The following ZFHX3 variants were observed in gnomAD, a reference collection of about 807,000 sequenced individuals.
ZFHX3 encodes the protein zinc finger homeobox protein 3.
ZFHX3 carries 42 observed loss-of-function variants against 279.1 expected under a neutral mutation model. That is an observed-to-expected ratio of 0.15 (90% confidence interval 0.12 to 0.19). The LOEUF is 0.19. Ranked by LOEUF, ZFHX3 falls within the 10% of genes least tolerant of loss-of-function variation. The probability of loss-of-function intolerance (pLI) is 1.00; values close to 1 mark genes in which losing one functional copy is unlikely to be tolerated. For missense variants in ZFHX3, 4,981 were observed against 4,754.0 expected (o/e 1.05, Z -1.40); for synonymous variants, 2,293 against 1,957.8 (o/e 1.17, Z -4.52).
At chr16:73,267,688 T>C (rs573336562) in intron 4 of ZFHX3, among the ~76,000 whole-genome samples, 2 of 152,308 alleles carry the variant, frequency 1.3e-5, no homozygotes, top group African/African-American at 4.8e-5. Flanking sequence ...TGGTCTAGCC[T>C]GGGGTAGCCT....
intron 2 of ZFHX3, chr16:73,609,847 T>C (rs2034599512): frequency 1.3e-5 from 2 of 152,216 alleles, no homozygotes; most frequent in Non-Finnish European, 2.9e-5. Context: ...GAGACGCTAT[T>C]CTCAAATTGC....
intron 5 of ZFHX3, among the ~76,000 whole-genome samples, chr16:73,238,238 T>A (rs1476053465): frequency 6.6e-6 from 1 of 152,192 alleles, no homozygotes. Flanking sequence ...TGTAAACACT[T>A]TGTTTTGTGT....
At chr16:72,867,931 CA>C (rs2038061613) in intron 4 of ZFHX3, among the ~76,000 whole-genome samples, 1 of 152,152 alleles carries the variant, frequency 6.6e-6, no homozygotes, top group African/African-American at 2.4e-5. Context: ...CAGAGTCTGC[CA>C]AGGAACCCAC....
chr16:72,983,082 C>A (rs1287332969), intron 1 of ZFHX3, among the ~76,000 whole-genome samples: 1 of 152,068 alleles, frequency 6.6e-6, no homozygotes, highest in East Asian at 1.9e-4. Context: ...TCAGGAATGT[C>A]GCTTATTCTA....
rs906104201 is a variant in ZFHX3 at position 73,302,558 on chromosome 16, G to C, written c.-1194+15682C>G. Among the ~76,000 whole-genome samples, 3 of 152,194 alleles carry C rather than the reference G, an allele frequency of 2.0e-5. No individual in the cohort carries two copies. The East Asian group carries it at 5.8e-4, about 29-fold the overall frequency. On this transcript the variant is annotated intron_variant, in intron 4 of 17. Coordinates refer to the ZFHX3 transcript ENST00000641206. ...AGTTGAATAAGAGAATCATGACTCCGAATACCCTAACAGGTTTATGAACTA... is the reference window on the plus strand; with the variant it reads ...AGTTGAATAAGAGAATCATGACTCCCAATACCCTAACAGGTTTATGAACTA...
intron 1 of ZFHX3, among the ~76,000 whole-genome samples, chr16:73,758,685 G>T (rs1233985056): frequency 6.6e-6 from 1 of 152,192 alleles, no homozygotes; most frequent in Non-Finnish European, 1.5e-5. Context: ...GCATTATTCA[G>T]GGTTGCTTCC....
intron 2 of ZFHX3, among the ~76,000 whole-genome samples, chr16:73,563,322 C>G (rs2020403027): frequency 6.6e-6 from 1 of 151,354 alleles, no homozygotes; most frequent in African/African-American, 2.4e-5. Flanking sequence ...ACTGCAAGCT[C>G]TGCCTCCTGG....
chr16:73,243,183 T>A (rs2013177529), intron 5 of ZFHX3, among the ~76,000 whole-genome samples: 1 of 152,218 alleles, frequency 6.6e-6, no homozygotes, highest in Non-Finnish European at 1.5e-5. Flanking sequence ...TATAAGCAGG[T>A]ATCAACATTT....
intron 2 of ZFHX3, among the ~76,000 whole-genome samples, chr16:73,658,591 C>T (rs745794913): frequency 6.6e-6 from 1 of 152,164 alleles, no homozygotes; most frequent in Non-Finnish European, 1.5e-5. Context: ...GCATGAGCCG[C>T]CGTGCCTGGC....
At chr16:73,305,790 A>G (rs1251245119) in intron 4 of ZFHX3, among the ~76,000 whole-genome samples, 1 of 152,162 alleles carries the variant, frequency 6.6e-6, no homozygotes, top group East Asian at 1.9e-4. Flanking sequence ...TTGATATGTT[A>G]ACATCTCATG....
chr16:72,916,068 T>G (rs928782203), intron 3 of ZFHX3, among the ~76,000 whole-genome samples: 4 of 152,244 alleles, frequency 2.6e-5, no homozygotes, highest in Admixed American at 1.3e-4. Context: ...ATAGTATACG[T>G]GGCAAAAATC....
Position 73,782,136 on chromosome 16 carries a change from G to A in ZFHX3, c.-1607-101896C>T, listed in dbSNP as rs568958455. The stretch of plus-strand genomic sequence containing the variant: ...TTTGGTCAGGAATGGTGCTTTAGAT[G>A]CTCAGCTGGCTCTGTACAAAGTTAA... On this transcript the variant is annotated intron_variant, in intron 1 of 17. Transcript: ENST00000641206. Among the ~76,000 whole-genome samples the A allele has an allele frequency of 6.6e-5, 10 of 152,282 alleles. No homozygotes were observed. In the South Asian group the frequency reaches 1.0e-3, roughly 16 times the overall value.
chr16:73,464,263 G>A (rs2018523698), intron 2 of ZFHX3, among the ~76,000 whole-genome samples: 1 of 152,060 alleles, frequency 6.6e-6, no homozygotes, highest in African/African-American at 2.4e-5. Flanking sequence ...GAGCGAAATG[G>A]ACCAGATTAT....
At chr16:73,197,003 C>G (rs1968163633) in intron 5 of ZFHX3, among the ~76,000 whole-genome samples, 3 of 152,084 alleles carry the variant, frequency 2.0e-5, no homozygotes, top group South Asian at 4.2e-4. Context: ...CACCAGCAAC[C>G]CTGGCCTAAG....
At chr16:73,174,444 C>A (rs142739171) in intron 5 of ZFHX3, among the ~76,000 whole-genome samples, 1 of 152,186 alleles carries the variant, frequency 6.6e-6, no homozygotes, top group Non-Finnish European at 1.5e-5. Context: ...GCGACTCTCT[C>A]TCTTCCCTGT....
intron 5 of ZFHX3, among the ~76,000 whole-genome samples, chr16:73,172,970 C>T (rs1597202106): frequency 1.3e-5 from 1 of 78,174 alleles, no homozygotes; most frequent in African/African-American, 5.2e-5. Flanking sequence ...TCTCCCCCTG[C>T]TGTTTCCTGA....
intron 2 of ZFHX3, among the ~76,000 whole-genome samples, chr16:73,532,131 T>TTAG (rs1179454076): frequency 6.6e-6 from 1 of 152,028 alleles, no homozygotes; most frequent in Non-Finnish European, 1.5e-5. Context: ...TATTGTTATC[T>TTAG]TAGTAGTTGA....
At chr16:73,348,286 T>C (rs1053622417) in intron 3 of ZFHX3, among the ~76,000 whole-genome samples, 6 of 152,170 alleles carry the variant, frequency 3.9e-5, no homozygotes, top group African/African-American at 1.4e-4. Context: ...AGGAAAAGCC[T>C]AGCATTGTTG....
intron 2 of ZFHX3, among the ~76,000 whole-genome samples, chr16:73,533,554 C>T (rs2019844387): frequency 6.6e-6 from 1 of 151,844 alleles, no homozygotes; most frequent in South Asian, 2.1e-4. Flanking sequence ...CCCAAGGAGT[C>T]CCAGATTTGT....
Sources: gnomAD v4.1 joint callset for allele counts (sites outside exome capture counted in the v4.1 genomes callset) on GRCh38, gnomAD v4.1.1 for gene constraint, MANE v1.5 for transcripts, NCBI Gene and HGNC (gene_info 2026-07-23, HGNC 2026-07-21) for gene names.